RBMS3: variants seen among roughly 807,000 people sequenced by gnomAD.
The protein encoded by RBMS3 is RNA-binding motif, single-stranded-interacting protein 3.
A neutral mutation model predicts 66.8 loss-of-function variants in RBMS3; 27 were observed. That is an observed-to-expected ratio of 0.40 (90% CI 0.30 to 0.56). The LOEUF (loss-of-function observed/expected upper bound fraction) is 0.56, where lower values mean the gene tolerates loss of function less well. Among genes scored for constraint, RBMS3 ranks in the 20% least tolerant of loss-of-function variants. The pLI is 0.40. For synonymous variants in RBMS3, 188 were observed against 183.0 expected (o/e 1.03, Z -0.22); for missense variants, 513 against 549.5 (o/e 0.93, Z 0.66).
chr3:29,368,057 T>G (rs1230430243), intron 1 of RBMS3, among the ~76,000 whole-genome samples: 1 of 152,188 alleles, frequency 6.6e-6, no homozygotes. Flanking sequence ...TGTAACTAGC[T>G]CTTCACATCC....
chr3:29,684,371 GA>G (rs2051622993), intron 4 of RBMS3, among the ~76,000 whole-genome samples: 1 of 151,994 alleles, frequency 6.6e-6, no homozygotes, highest in Non-Finnish European at 1.5e-5. Context: ...AAATAAGTGG[GA>G]TTTTCAAAAA....
intron 6 of RBMS3, among the ~76,000 whole-genome samples, chr3:29,857,711 A>G (rs1466203659): frequency 6.6e-6 from 1 of 152,130 alleles, no homozygotes; most frequent in East Asian, 1.9e-4. Flanking sequence ...ACTCTGCAGG[A>G]CCAGTGAGGT....
chr3:29,759,971 G>C (rs2055596482), intron 5 of RBMS3, among the ~76,000 whole-genome samples: 1 of 152,052 alleles, frequency 6.6e-6, no homozygotes, highest in African/African-American at 2.4e-5. Context: ...TCAGAGACGG[G>C]AGTCTCTAAA....
At chr3:29,961,996 A>T (rs375417299) in intron 12 of RBMS3, among the ~76,000 whole-genome samples, 1 of 135,070 alleles carries the variant, frequency 7.4e-6, no homozygotes, top group African/African-American at 2.6e-5. Flanking sequence ...AATATATATA[A>T]TATATATATT....
At chr3:29,586,087 C>G (rs1016860296) in intron 3 of RBMS3, among the ~76,000 whole-genome samples, 1 of 152,026 alleles carries the variant, frequency 6.6e-6, no homozygotes, top group Non-Finnish European at 1.5e-5. Context: ...CTCAAAACTT[C>G]TAAATGAGAT....
chr3:29,393,251 T>C (rs1406123361), intron 1 of RBMS3, among the ~76,000 whole-genome samples: 1 of 152,164 alleles, frequency 6.6e-6, no homozygotes, highest in East Asian at 1.9e-4. Flanking sequence ...AAAAAATGCA[T>C]GGGACTACCT....
intron 3 of RBMS3, among the ~76,000 whole-genome samples, chr3:29,507,394 A>G (rs114088813): frequency 0.013 from 2,005 of 152,216 alleles, 48 homozygotes; most frequent in African/African-American, 0.046. Context: ...AGAAATGGCT[A>G]AACTCTGGTT....
At chr3:29,536,186 T>G (rs1467362757) in intron 3 of RBMS3, among the ~76,000 whole-genome samples, 1 of 152,124 alleles carries the variant, frequency 6.6e-6, no homozygotes, top group Non-Finnish European at 1.5e-5. Flanking sequence ...ATGCCAAGAA[T>G]CTCTTGGTAG....
chr3:29,864,981 G>A, intron 6 of RBMS3, among the ~76,000 whole-genome samples: 1 of 122,824 alleles, frequency 8.1e-6, no homozygotes, highest in African/African-American at 3.2e-5. Context: ...AGGGAGGGAG[G>A]GAGGAAGGAA....
intron 2 of RBMS3, among the ~76,000 whole-genome samples, chr3:29,455,782 C>G (rs2042168892): frequency 6.7e-6 from 1 of 149,228 alleles, no homozygotes; most frequent in African/African-American, 2.5e-5. Context: ...CCATTTTAAA[C>G]AGCAAAATCA....
At chr3:29,716,414 A>G (rs2053397196) in intron 4 of RBMS3, among the ~76,000 whole-genome samples, 1 of 152,188 alleles carries the variant, frequency 6.6e-6, no homozygotes, top group Non-Finnish European at 1.5e-5. Context: ...AATGCAAGTC[A>G]TCGTTTCTAT....
Position 29,869,025 on chromosome 3 carries a change from G to A in RBMS3, c.744+61G>A. Reference sequence around the variant, plus strand: ...GGCAGTAGATATCCCTCAGAAGGTGGCAAGGCAGACGTATGGTGCCATGAT... The same window carrying A: ...GGCAGTAGATATCCCTCAGAAGGTGACAAGGCAGACGTATGGTGCCATGAT... On this transcript the variant is annotated intron_variant, in intron 7 of 14. Transcript: ENST00000383767. 5.1e-6 allele frequency: 7 copies of A among 1,378,772 alleles called. No individual in the cohort carries two copies. In the South Asian group the frequency reaches 8.1e-5, roughly 16 times the overall value. 85.4% of individuals were successfully genotyped at this position (1,378,772 alleles called of 1,614,324 possible).
rs71091081 is a variant in RBMS3 at position 29,853,423 on chromosome 3, C to CTTTTTTTTT, written c.638-15421_638-15413dup. On this transcript the variant is annotated intron_variant, in intron 6 of 14. Coordinates refer to ENST00000383767, the MANE Select transcript of RBMS3 (RefSeq NM_001003793.3). ...TGTATCTTAAGCTACAATTTACTTT[C>CTTTTTTTTT]TTTTTTTTTTTTTTTTTTTTTTGCA... is the stretch of plus-strand genomic sequence containing the variant. 3.4e-3 allele frequency among the ~76,000 whole-genome samples: 290 copies of CTTTTTTTTT among 84,508 alleles called. 35 individuals are homozygous for CTTTTTTTTT. Among genetic ancestry groups the CTTTTTTTTT allele is most frequent in the African/African-American group, 0.014 (252 of 18,394 alleles). 55.4% of individuals were successfully genotyped at this position (84,508 alleles called of 152,430 possible).
intron 3 of RBMS3, among the ~76,000 whole-genome samples, chr3:29,561,422 A>G (rs542247340): frequency 5.4e-5 from 8 of 148,402 alleles, no homozygotes; most frequent in South Asian, 2.2e-4. Context: ...CCTTGCCAGC[A>G]TCTGTTGTTT....
At chr3:29,388,678 G>A (rs1031970657) in intron 1 of RBMS3, among the ~76,000 whole-genome samples, 1 of 152,036 alleles carries the variant, frequency 6.6e-6, no homozygotes, top group Non-Finnish European at 1.5e-5. Flanking sequence ...GCCATTCTCC[G>A]CCTCAGCCTC....
intron 10 of RBMS3, among the ~76,000 whole-genome samples, chr3:29,900,661 T>G (rs1300956598): frequency 6.6e-6 from 1 of 151,776 alleles, no homozygotes; most frequent in Admixed American, 6.6e-5. Context: ...ATGCTCTCTG[T>G]GCATTTGTTT....
chr3:29,540,795 A>C (rs375224534), intron 3 of RBMS3, among the ~76,000 whole-genome samples: 1 of 152,108 alleles, frequency 6.6e-6, no homozygotes, highest in Non-Finnish European at 1.5e-5. Context: ...GTTTCGGTTG[A>C]TGTCTGGGAG....
chr3:29,747,378 G>GTCTATC (rs1559630891), intron 5 of RBMS3, among the ~76,000 whole-genome samples: 3 of 130,740 alleles, frequency 2.3e-5, no homozygotes, highest in South Asian at 5.1e-4. Flanking sequence ...ATCTATCTAG[G>GTCTATC]TAGGTAGGTA....
intron 10 of RBMS3, among the ~76,000 whole-genome samples, chr3:29,912,817 C>T (rs189695422): frequency 2.1e-4 from 32 of 152,038 alleles, no homozygotes; most frequent in Middle Eastern, 6.8e-3. Flanking sequence ...TTAGTCTGAG[C>T]CAGGATGTTA....
Sources: gnomAD v4.1 joint callset for allele counts (sites outside exome capture counted in the v4.1 genomes callset) on GRCh38, gnomAD v4.1.1 for gene constraint, MANE v1.5 for transcripts, NCBI Gene and HGNC (gene_info 2026-07-23, HGNC 2026-07-21) for gene names.